GLYR1: variants seen among roughly 807,000 people sequenced by gnomAD.
The protein encoded by GLYR1 is cytokine-like nuclear factor N-PAC.
A neutral mutation model predicts 72.7 loss-of-function variants in GLYR1; 21 were observed. The observed-to-expected ratio is 0.29, with a 90% CI of 0.20 to 0.42. GLYR1 has a LOEUF of 0.42. Ranked by LOEUF, GLYR1 falls within the 10% of genes least tolerant of loss-of-function variation. GLYR1 has a pLI of 1.00. For missense variants in GLYR1, 594 were observed against 712.1 expected (o/e 0.83, Z 1.89); for synonymous variants, 392 against 270.2 (o/e 1.45, Z -4.42).
At chr16:4,844,284 G>C (rs983593960) in intron 3 of GLYR1, among the ~76,000 whole-genome samples, 1 of 152,126 alleles carries the variant, frequency 6.6e-6, no homozygotes, top group Non-Finnish European at 1.5e-5. Context: ...TAATGGTCCT[G>C]GTTTCCCCAA....
At chr16:4,810,094 G>T (rs1441517944) in intron 15 of GLYR1, among the ~76,000 whole-genome samples, 1 of 152,002 alleles carries the variant, frequency 6.6e-6, no homozygotes, top group East Asian at 1.9e-4. Flanking sequence ...GAAGAAATCA[G>T]AAAACAAATT....
At chr16:4,821,712 T>C in intron 7 of GLYR1, 115 bp from the exon 8 acceptor site, 2 of 947,598 alleles carry the variant, frequency 2.1e-6, no homozygotes, top group Admixed American at 3.7e-5. Context: ...CTATTTGTTT[T>C]ATACTTTAGT....
intron 14 of GLYR1, 47 bp from the exon 15 acceptor site, chr16:4,811,341 T>TAAA: frequency 6.2e-7 from 1 of 1,609,690 alleles, no homozygotes; most frequent in Middle Eastern, 1.7e-4. Flanking sequence ...GACCTGAAAC[T>TAAA]AAAAACTACT....
chr16:4,823,872 C>T lies in GLYR1; in HGVS notation c.573G>A (p.Gly191=), dbSNP rs1255397745. ...ACGCGGCCATCGGTCCGGCCATCAT[C>T]CCCTTCACGGTACTAGACTCCGGGA... is the stretch of plus-strand genomic sequence containing the variant. ...LTIPESSTVK[G]MMAGPMAAFK... Residue 191 remains glycine (G), a synonymous_variant, in exon 6 of 16, where the codon GGG becomes GGA. Transcript: ENST00000321919. The T allele has an allele frequency of 6.2e-7, 1 of 1,614,134 alleles. No homozygotes were observed.
chr16:4,816,188 G>C (rs77500958), intron 10 of GLYR1, among the ~76,000 whole-genome samples: 1 of 151,988 alleles, frequency 6.6e-6, no homozygotes. Context: ...CTGCTGCCTA[G>C]GTGGGAATGC....
At chr16:4,832,576 A>G in intron 4 of GLYR1, 198 bp downstream of exon 4, 1 of 663,450 alleles carries the variant, frequency 1.5e-6, no homozygotes, top group Non-Finnish European at 2.5e-6. Flanking sequence ...CCTAAAAGCA[A>G]CAACCTACTC....
At chr16:4,814,735 T>G in intron 10 of GLYR1, 88 bp from the exon 11 acceptor site, 3 of 1,079,862 alleles carry the variant, frequency 2.8e-6, no homozygotes, top group Non-Finnish European at 2.8e-6. Flanking sequence ...CCAGGCCTCC[T>G]GGCGGCCTAC....
rs753218032 is a variant in GLYR1, at chr16:4,814,561, C to T, written c.993G>A (p.Val331=). The change falls in exon 11 of 16, where the codon GTG becomes GTA. Residue 331 remains valine (V), a synonymous_variant. Transcript: ENST00000321919. ...VSTCDITFAC[V]SDPKAAKDLV... Reference sequence around the variant, plus strand: ...CGTCCTTGGCCGCCTTGGGATCCGACACGCAGGCGAAAGTGATGTCGCAGG... The same window carrying T: ...CGTCCTTGGCCGCCTTGGGATCCGATACGCAGGCGAAAGTGATGTCGCAGG... 10 of 1,613,754 alleles carry T rather than the reference C, an allele frequency of 6.2e-6. No individual in the cohort carries two copies. The South Asian group carries it at 9.9e-5, about 16-fold the overall frequency.
chr16:4,829,081 A>G (rs2084619350), intron 5 of GLYR1, among the ~76,000 whole-genome samples: 1 of 152,020 alleles, frequency 6.6e-6, no homozygotes, highest in Non-Finnish European at 1.5e-5. Flanking sequence ...TCTGCACTGC[A>G]GCTGGCAGCT....
At chr16:4,811,086 CAG>C in intron 15 of GLYR1, 82 bp downstream of exon 15, 3 of 1,498,990 alleles carry the variant, frequency 2.0e-6, no homozygotes, top group South Asian at 1.3e-5. Context: ...GCCTGGGTGA[CAG>C]AGTGAGACTC....
rs1490132696 is a variant in GLYR1 at position 4,811,182 on chromosome 16, A to G, written c.1575T>C (p.Ala525=). ...ACATCTACCCTACCTCATTTGCTGC[A>G]GCTGCCATGGGAGTCGGATGGTTGA... ...DAVNHPTPMA[A]AANEVYKRAK... Residue 525 remains alanine, a synonymous_variant, in exon 15 of 16, where the codon GCT becomes GCC. Coordinates refer to ENST00000321919, the MANE Select transcript of GLYR1 (RefSeq NM_032569.4). The G allele has an allele frequency of 1.2e-6, 2 of 1,613,846 alleles. No homozygotes were observed. The highest frequency in any genetic ancestry group is 2.2e-5 in the South Asian group (2 of 91,064).
rs1194853910 is a variant in GLYR1 at position 4,804,965 on chromosome 16, G to A, written c.*271C>T. 1.9e-6 allele frequency: 1 copy of A among 538,748 alleles called. No individual in the cohort carries two copies. Among genetic ancestry groups the A allele is most frequent in the Non-Finnish European group, 3.4e-6 (1 of 296,190 alleles). The allele number at this position is 538,748 out of a possible 1,614,324, so 33.4% of individuals were successfully genotyped here. On this transcript the variant is annotated 3_prime_UTR_variant, in exon 16 of 16. Coordinates refer to ENST00000321919, the MANE Select transcript of GLYR1 (RefSeq NM_032569.4). ...TGTGTGTGTGTGTGTGTGTGTGTGT[G>A]TGTGTGAACACACAGCCACCTCGTC...
chr16:4,809,420 G>A (rs1596304608), intron 15 of GLYR1, among the ~76,000 whole-genome samples: 2 of 151,108 alleles, frequency 1.3e-5, no homozygotes, highest in South Asian at 4.2e-4. Context: ...AGACCATCCT[G>A]GCTAACACAG....
intron 15 of GLYR1, among the ~76,000 whole-genome samples, chr16:4,808,733 TG>T (rs1207826339): frequency 3.9e-5 from 6 of 152,138 alleles, no homozygotes; most frequent in Non-Finnish European, 7.3e-5. Context: ...GTTTTTCAGT[TG>T]TTTTTTTTTT....
Position 4,821,337 on chromosome 16 carries a change from G to A in GLYR1, c.806+43C>T, listed in dbSNP as rs1180457647. The A allele has an allele frequency of 3.1e-6, 5 of 1,602,236 alleles. 1 individual carries two copies. The South Asian group carries it at 5.5e-5, about 18-fold the overall frequency. On this transcript the variant is annotated intron_variant, in intron 9 of 15. Transcript: ENST00000321919. ...TGGGGTCACCTTCTCCCCACCCTCA[G>A]CAGAACCAGAGCCACTGGAGGCCTT...
chr16:4,811,090 G>A, intron 15 of GLYR1, 80 bp downstream of exon 15: 1 of 1,522,692 alleles, frequency 6.6e-7, no homozygotes, highest in South Asian at 1.2e-5. Flanking sequence ...GGGTGACAGA[G>A]TGAGACTCCG....
intron 1 of GLYR1, chr16:4,846,736 C>G: frequency 4.5e-6 from 1 of 224,424 alleles, no homozygotes; most frequent in South Asian, 5.4e-5. Flanking sequence ...GAAGTCCCCC[C>G]GCCGTTTCTT....
chr16:4,826,533 G>A (rs948361757), intron 5 of GLYR1, among the ~76,000 whole-genome samples: 1 of 152,230 alleles, frequency 6.6e-6, no homozygotes, highest in Non-Finnish European at 1.5e-5. Context: ...CTTACTGAAG[G>A]AGCCTCGTCT....
chr16:4,812,317 G>A (rs2083364066), intron 12 of GLYR1, 69 bp from the exon 13 acceptor site: 8 of 1,510,650 alleles, frequency 5.3e-6, no homozygotes, highest in Non-Finnish European at 7.1e-6. Context: ...GACTCAAGGA[G>A]TGTTGCTGAG....
Sources: allele counts gnomAD v4.1 joint callset (sites outside exome capture counted in the v4.1 genomes callset), GRCh38; gene constraint gnomAD v4.1.1; transcripts MANE v1.5; gene names NCBI Gene and HGNC (gene_info 2026-07-23, HGNC 2026-07-21).